The following KIAA1549L variants were observed in gnomAD, a reference collection of about 807,000 sequenced individuals.
The protein encoded by KIAA1549L is UPF0606 protein KIAA1549L.
In KIAA1549L, 88 loss-of-function variants were observed where a neutral mutation model predicts 160.7. That is an observed-to-expected ratio of 0.55 (90% CI 0.46 to 0.65). The LOEUF (loss-of-function observed/expected upper bound fraction) is 0.65. KIAA1549L is among the 30% of genes least tolerant of loss of function. KIAA1549L has a pLI of 0.00. For synonymous variants in KIAA1549L, 950 were observed against 976.7 expected (o/e 0.97, Z 0.51); for missense variants, 2,258 against 2,437.5 (o/e 0.93, Z 1.55).
At position 33,543,335 on chromosome 11, in the gene KIAA1549L, G is replaced by A. The variant is rs780224873; in HGVS notation, c.1772G>A (p.Ser591Asn). 6 of 1,614,082 alleles carry A rather than the reference G, an allele frequency of 3.7e-6. No homozygotes were observed. In the South Asian group the frequency reaches 4.4e-5, roughly 12 times the overall value. The change falls in exon 2 of 21, where the codon AGT becomes AAT. Residue 591 changes from serine (S) to asparagine (N), a missense_variant. This residue lies in a region of KIAA1549L where 540 missense variants were observed against 465.7 expected (regional missense o/e 1.16). Transcript: ENST00000658780. ...LQAFPRKEVL[S>N]LHTVNGFVSD... ...GCCTTTCCAAGGAAAGAGGTTTTGA[G>A]TCTTCACACTGTAAATGGATTTGTC...
At chr11:33,601,868 CTGCAATTTTAGA>C (rs1260663380) in intron 13 of KIAA1549L, among the ~76,000 whole-genome samples, 1 of 152,166 alleles carries the variant, frequency 6.6e-6, no homozygotes, top group African/African-American at 2.4e-5. Context: ...GTTACCATCG[CTGCAATTTTAGA>C]GTCTGTTTCA....
intron 1 of KIAA1549L, among the ~76,000 whole-genome samples, chr11:33,387,094 A>G (rs2134041369): frequency 6.6e-6 from 1 of 152,182 alleles, no homozygotes; most frequent in East Asian, 1.9e-4. Context: ...GTGACATAGC[A>G]AGACTCTGTC....
At position 33,598,946 on chromosome 11, in the gene KIAA1549L, T is replaced by C; in HGVS notation, c.4878T>C (p.Asn1626=). The part of the protein sequence containing the change: ...KVTKEEARKR[N]VPASDEEEGA... ...CAAAGGAGGAGGCAAGGAAGAGAAA[T>C]GGTGAGAAGCCTTCCCTCCAAGAAC... The change falls in exon 13 of 21, where the codon AAT becomes AAC. Residue 1626 remains asparagine, a splice_region_variant and synonymous_variant. Coordinates refer to ENST00000658780, the MANE Select transcript of KIAA1549L (RefSeq NM_012194.3). 1.9e-6 allele frequency: 3 copies of C among 1,612,802 alleles called. No homozygotes were observed. The highest frequency in any genetic ancestry group is 1.3e-5 in the African/African-American group (1 of 74,934).
Position 33,660,315 on chromosome 11 carries a change from T to C in KIAA1549L, c.6008-548T>C, listed in dbSNP as rs111890706. On this transcript the variant is annotated intron_variant, in intron 19 of 20. Transcript: ENST00000658780. ...CCAGGTGGCCTGGCGCGGTGGCTCA[T>C]GTCTGTAATCCCAACACTTTGGGAG... is the stretch of plus-strand genomic sequence containing the variant. 9.8e-3 allele frequency among the ~76,000 whole-genome samples: 1,497 copies of C among 152,268 alleles called. 20 individuals are homozygous for C. The highest frequency in any genetic ancestry group is 0.016 in the South Asian group (76 of 4,820).
chr11:33,489,208 C>A (rs1413980145), intron 1 of KIAA1549L, among the ~76,000 whole-genome samples: 2 of 152,150 alleles, frequency 1.3e-5, no homozygotes, highest in Non-Finnish European at 2.9e-5. Flanking sequence ...GGCTGAAAGT[C>A]CAAGATCAGG....
At chr11:33,396,163 G>A (rs1270066123) in intron 1 of KIAA1549L, among the ~76,000 whole-genome samples, 4 of 152,010 alleles carry the variant, frequency 2.6e-5, no homozygotes, top group Non-Finnish European at 5.9e-5. Context: ...CCCATGTTCC[G>A]GGCAGCAGGA....
chr11:33,614,543 TA>T, intron 15 of KIAA1549L, among the ~76,000 whole-genome samples: 1 of 6,974 alleles, frequency 1.4e-4, no homozygotes, highest in Non-Finnish European at 2.9e-4. Context: ...TATATATATA[TA>T]TATATATATA....
At chr11:33,435,818 G>GTGTA (rs1554976830) in intron 1 of KIAA1549L, among the ~76,000 whole-genome samples, 3 of 45,318 alleles carry the variant, frequency 6.6e-5, no homozygotes, top group Non-Finnish European at 1.3e-4. Context: ...ATATGTGTGT[G>GTGTA]TATATATATA....
chr11:33,405,418 T>C (rs1277784418), intron 1 of KIAA1549L, among the ~76,000 whole-genome samples: 3 of 151,790 alleles, frequency 2.0e-5, no homozygotes, highest in South Asian at 4.1e-4. Flanking sequence ...TGGTTTTGAG[T>C]AACAGAATTA....
intron 12 of KIAA1549L, among the ~76,000 whole-genome samples, chr11:33,595,392 A>C (rs145513842): frequency 6.6e-6 from 1 of 151,922 alleles, no homozygotes; most frequent in Non-Finnish European, 1.5e-5. Context: ...ATGCCTGGCT[A>C]ATTTTTGTAT....
At position 33,499,397 on chromosome 11, in the gene KIAA1549L, T is replaced by C. The variant is rs1026797403; in HGVS notation, c.239-42405T>C. 4.6e-5 allele frequency among the ~76,000 whole-genome samples: 7 copies of C among 152,206 alleles called. 1 individual carries two copies. Among genetic ancestry groups the C allele is most frequent in the Admixed American group, 3.9e-4 (6 of 15,288 alleles). On this transcript the variant is annotated intron_variant, in intron 1 of 20. Transcript: ENST00000658780. ...GTGAGGGTTGCTTATAGTTTATTTA[T>C]TGGGGTATTTTGGGGAGGGGGATTT...
intron 1 of KIAA1549L, among the ~76,000 whole-genome samples, chr11:33,395,194 A>C (rs1346927254): frequency 6.6e-6 from 1 of 152,220 alleles, no homozygotes; most frequent in African/African-American, 2.4e-5. Flanking sequence ...ACAGGAACTT[A>C]ATCTGTTTTG....
chr11:33,461,824 C>G (rs1008242504), intron 1 of KIAA1549L, among the ~76,000 whole-genome samples: 2 of 152,094 alleles, frequency 1.3e-5, no homozygotes, highest in Non-Finnish European at 2.9e-5. Context: ...ATTGAGGCAT[C>G]GAGAGATAGC....
chr11:33,611,111 T>C (rs1198506161), intron 15 of KIAA1549L, among the ~76,000 whole-genome samples: 1 of 152,228 alleles, frequency 6.6e-6, no homozygotes, highest in Non-Finnish European at 1.5e-5. Flanking sequence ...TGATTTCACA[T>C]GCACGGTCAA....
intron 17 of KIAA1549L, among the ~76,000 whole-genome samples, chr11:33,651,898 TTCCCC>T (rs1223513245): frequency 2.0e-4 from 8 of 40,924 alleles, no homozygotes; most frequent in East Asian, 1.2e-3. Context: ...CCTCCCCCCC[TTCCCC>T]TCCCCTCCCC....
In KIAA1549L at chr11:33,543,394, A is replaced by G. The variant is rs529849977; in HGVS notation, c.1831A>G (p.Ile611Val). The stretch of plus-strand genomic sequence containing the variant: ...CAGCACCGGTAGTGTCTCATCTCCC[A>G]TCATTACAGCACCAAGGACGAATCC... Reference protein sequence around the residue: ...DFSTGSVSSPIITAPRTNPLP... With the variant: ...DFSTGSVSSPVITAPRTNPLP... Residue 611 changes from isoleucine to valine, a missense_variant, in exon 2 of 21, where the codon ATC (isoleucine) becomes GTC (valine). By Grantham distance (29) the Ile-to-Val change is conservative (BLOSUM62 3). Around this residue, in one of 6 missense-constraint regions of KIAA1549L, gnomAD observed 540 missense variants for 465.7 expected, o/e 1.16. Transcript: ENST00000658780. The G allele has an allele frequency of 1.9e-6, 3 of 1,613,990 alleles. No homozygotes were observed. The highest frequency in any genetic ancestry group is 1.7e-5 in the Admixed American group (1 of 60,030).
At chr11:33,470,432 GTGTT>G (rs762688265) in intron 1 of KIAA1549L, among the ~76,000 whole-genome samples, 38 of 152,000 alleles carry the variant, frequency 2.5e-4, no homozygotes, top group African/African-American at 5.5e-4. Context: ...TTTATAGTAA[GTGTT>G]TGTTTGTTTG....
intron 1 of KIAA1549L, among the ~76,000 whole-genome samples, chr11:33,454,825 C>A (rs1284765071): frequency 2.0e-5 from 3 of 152,100 alleles, no homozygotes; most frequent in Non-Finnish European, 2.9e-5. Context: ...CGCGGTGGCT[C>A]ACGCCTGTAA....
At chr11:33,637,432 C>G (rs1302965881) in intron 16 of KIAA1549L, among the ~76,000 whole-genome samples, 3 of 152,230 alleles carry the variant, frequency 2.0e-5, no homozygotes, top group African/African-American at 7.2e-5. Flanking sequence ...ACAGTCCAGC[C>G]TTCTTACCAT....
Sources: allele counts gnomAD v4.1 joint callset (sites outside exome capture counted in the v4.1 genomes callset), GRCh38; gene constraint gnomAD v4.1.1; regional missense constraint gnomAD v4.1.1; transcripts MANE v1.5; gene names NCBI Gene and HGNC (gene_info 2026-07-23, HGNC 2026-07-21).